Variants in EPB41L2 observed in about 807,000 individuals in gnomAD.
The protein encoded by EPB41L2 is erythrocyte membrane protein band 4.1 like 2, also known as band 4.1-like protein 2.
Under a neutral mutation model 113.0 loss-of-function variants are expected in EPB41L2, and 43 were observed. The observed-to-expected ratio is 0.38, with a 90% CI of 0.30 to 0.49. The LOEUF is 0.49. EPB41L2 is among the 20% of genes least tolerant of loss of function. The probability of loss-of-function intolerance (pLI) is 0.95; values close to 1 mark genes in which losing one functional copy is unlikely to be tolerated. For synonymous variants in EPB41L2, 442 were observed against 436.7 expected (o/e 1.01, Z -0.15); for missense variants, 1,147 against 1,223.4 (o/e 0.94, Z 0.93).
At chr6:131,011,112 A>T (rs1224245547) in intron 1 of EPB41L2, among the ~76,000 whole-genome samples, 2 of 152,240 alleles carry the variant, frequency 1.3e-5, no homozygotes, top group Non-Finnish European at 2.9e-5. Context: ...GCTATTATGT[A>T]ATCAGCACTG....
intron 1 of EPB41L2, among the ~76,000 whole-genome samples, chr6:130,983,047 G>C (rs1361443088): frequency 6.6e-6 from 1 of 152,164 alleles, no homozygotes; most frequent in African/African-American, 2.4e-5. Flanking sequence ...ACAAAAAGCA[G>C]CCTTTAGGTA....
At chr6:130,944,321 C>T (rs1409195164) in intron 3 of EPB41L2, among the ~76,000 whole-genome samples, 3 of 151,842 alleles carry the variant, frequency 2.0e-5, no homozygotes, top group Non-Finnish European at 4.4e-5. Context: ...TATAAATGTA[C>T]AAGAAAGTAC....
intron 12 of EPB41L2, chr6:130,881,665 T>C (rs1583027379): frequency 6.6e-6 from 1 of 152,100 alleles, no homozygotes; most frequent in South Asian, 2.1e-4. Flanking sequence ...AGAGGTAGGA[T>C]ACTTGAAAAA....
chr6:130,980,924 C>T (rs1779251927), intron 1 of EPB41L2, among the ~76,000 whole-genome samples: 1 of 152,026 alleles, frequency 6.6e-6, no homozygotes, highest in Admixed American at 6.5e-5. Flanking sequence ...GACATTCATT[C>T]TATTTTATAG....
intron 3 of EPB41L2, among the ~76,000 whole-genome samples, chr6:130,945,785 A>G (rs1489102053): frequency 6.6e-6 from 1 of 152,184 alleles, no homozygotes; most frequent in Non-Finnish European, 1.5e-5. Context: ...AGATCGCCTG[A>G]CTTTATATCC....
Position 130,955,309 on chromosome 6 carries a change from T to A in EPB41L2, c.501A>T (p.Glu167Asp), listed in dbSNP as rs374855120. ...TCTCTTCTCTCTCCTTACTTACTAA[T>A]TCAGTAGGCTGTTGAGGAAAAAAAA... ...SVSKVEMQPTELVSKEREEKV... is the reference protein window; with the variant it reads ...SVSKVEMQPTDLVSKEREEKV... The change falls in exon 3 of 20, where the codon GAA becomes GAT. Residue 167 changes from glutamate (E) to aspartate (D), a missense_variant. Transcript: ENST00000337057. 1.9e-6 allele frequency: 3 copies of A among 1,598,044 alleles called. No homozygotes were observed. In the African/African-American group the frequency reaches 4.4e-5, roughly 24 times the overall value.
intron 6 of EPB41L2, among the ~76,000 whole-genome samples, chr6:130,902,411 T>A (rs554398234): frequency 1.3e-5 from 2 of 152,314 alleles, no homozygotes; most frequent in Admixed American, 1.3e-4. Context: ...GGACTCTGTT[T>A]ATCATCACTA....
chr6:130,951,381 G>A (rs1429738553), intron 3 of EPB41L2, among the ~76,000 whole-genome samples: 1 of 131,516 alleles, frequency 7.6e-6, no homozygotes, highest in Non-Finnish European at 1.5e-5. Context: ...CTGAAGTACA[G>A]TGGCGCAACC....
At position 130,929,631 on chromosome 6, in the gene EPB41L2, T is replaced by C. The variant is rs146156461; in HGVS notation, c.706-2922A>G. 2.0e-5 allele frequency among the ~76,000 whole-genome samples: 3 copies of C among 152,190 alleles called. No individual in the cohort carries two copies. The East Asian group carries it at 5.8e-4, about 29-fold the overall frequency. On this transcript the variant is annotated intron_variant, in intron 3 of 19. Transcript: ENST00000337057. Reference sequence around the variant, plus strand: ...TGGTCTCAGGAAATTTATATGCAACTGGCAGAGAAAGAGAATGAATGGGAA... The same window carrying C: ...TGGTCTCAGGAAATTTATATGCAACCGGCAGAGAAAGAGAATGAATGGGAA...
intron 1 of EPB41L2, chr6:131,014,258 A>T (rs1787699165): frequency 6.6e-6 from 1 of 152,162 alleles, no homozygotes; most frequent in South Asian, 2.1e-4. Flanking sequence ...ATTTAAGGGG[A>T]GGTGAGGGTA....
rs1485484581 is a variant in EPB41L2, at chr6:130,876,791, A to G, written c.2043+1313T>C. On this transcript the variant is annotated intron_variant, in intron 14 of 19. Transcript: ENST00000337057. ...CTCCTTTTCTCTATTGTTTTAAACA[A>G]TAGACATAATCAACAAATAAGACAC... is the stretch of plus-strand genomic sequence containing the variant. 4.7e-6 allele frequency: 6 copies of G among 1,289,460 alleles called. No individual in the cohort carries two copies. The East Asian group carries it at 2.8e-4, about 60-fold the overall frequency. The allele number at this position is 1,289,460 out of a possible 1,614,324, so 79.9% of individuals were successfully genotyped here.
chr6:130,870,105 T>C lies in EPB41L2; in HGVS notation c.2065A>G (p.Ile689Val), dbSNP rs1290606602. ...TQGSSHETLN[I>V]VEEKKRAEVG... The stretch of plus-strand genomic sequence containing the variant: ...TCTGCCCGCTTCTTCTCCTCCACTA[T>C]ATTCAGAGTCTCATGTGAACTCTGT... The change falls in exon 15 of 20, where the codon ATA (isoleucine) becomes GTA (valine). Residue 689 changes from isoleucine to valine, a missense_variant. Ile to Val is a conservative substitution (Grantham distance 29, BLOSUM62 3). Transcript: ENST00000337057. The C allele has an allele frequency of 6.2e-7, 1 of 1,611,808 alleles. No individual in the cohort carries two copies. Among genetic ancestry groups the C allele is most frequent in the East Asian group, 2.2e-5 (1 of 44,828 alleles).
At chr6:131,051,139 T>C (rs1796429648) in intron 1 of EPB41L2, among the ~76,000 whole-genome samples, 1 of 152,132 alleles carries the variant, frequency 6.6e-6, no homozygotes, top group Non-Finnish European at 1.5e-5. Flanking sequence ...AGTAGCTTCT[T>C]GACCAATAAC....
At chr6:130,910,795 A>T (rs1799136272) in intron 4 of EPB41L2, among the ~76,000 whole-genome samples, 1 of 152,264 alleles carries the variant, frequency 6.6e-6, no homozygotes, top group Non-Finnish European at 1.5e-5. Context: ...ACTGGTCATT[A>T]GAGAAATGCA....
chr6:131,054,677 C>T (rs1358180181), intron 1 of EPB41L2, among the ~76,000 whole-genome samples: 1 of 152,194 alleles, frequency 6.6e-6, no homozygotes, highest in East Asian at 1.9e-4. Context: ...ACTACTGTTA[C>T]TACTTGAGAC....
chr6:130,953,505 T>C (rs1013599820), intron 3 of EPB41L2, among the ~76,000 whole-genome samples: 10 of 151,926 alleles, frequency 6.6e-5, no homozygotes, highest in Non-Finnish European at 1.2e-4. Context: ...CATCACACAC[T>C]GGGGCCTATC....
chr6:130,920,548 T>C (rs921344158), intron 4 of EPB41L2, among the ~76,000 whole-genome samples: 1 of 152,178 alleles, frequency 6.6e-6, no homozygotes, highest in Admixed American at 6.5e-5. Flanking sequence ...TAGGCGAAAG[T>C]GCAGTGGTGC....
intron 1 of EPB41L2, among the ~76,000 whole-genome samples, chr6:131,057,127 G>T (rs1208273862): frequency 1.3e-5 from 2 of 152,034 alleles, no homozygotes; most frequent in African/African-American, 2.4e-5. Flanking sequence ...TCGAAAATAA[G>T]AACTGAAACA....
chr6:130,890,490 AAG>A (rs112676015), intron 10 of EPB41L2, 24 bp from the exon 11 acceptor site: 22 of 1,508,620 alleles, frequency 1.5e-5, no homozygotes, highest in East Asian at 4.7e-5. Flanking sequence ...AAAAAAAAAA[AAG>A]AGAGAGAGAA....
Sources: gnomAD v4.1 joint callset for allele counts (sites outside exome capture counted in the v4.1 genomes callset) on GRCh38, gnomAD v4.1.1 for gene constraint, MANE v1.5 for transcripts, NCBI Gene and HGNC (gene_info 2026-07-23, HGNC 2026-07-21) for gene names.